The following CTNNA3 variants were observed in gnomAD, a reference collection of about 807,000 sequenced individuals.
CTNNA3 encodes the protein catenin alpha-3.
CTNNA3 carries 76 observed loss-of-function variants against 95.7 expected under a neutral mutation model. That is an observed-to-expected ratio of 0.79 (90% confidence interval 0.66 to 0.96). The LOEUF (loss-of-function observed/expected upper bound fraction) is 0.96. Ranked by LOEUF, CTNNA3 falls within the 40% of genes least tolerant of loss-of-function variation. The pLI is 0.00. For synonymous variants in CTNNA3, 431 were observed against 374.4 expected, an observed-to-expected ratio of 1.15 and a Z score of -1.74; for missense variants, 1,191 against 1,089.8, an observed-to-expected ratio of 1.09 and a Z score of -1.31.
At chr10:67,340,717 G>A (rs1049309865) in intron 5 of CTNNA3, among the ~76,000 whole-genome samples, 1 of 152,160 alleles carries the variant, frequency 6.6e-6, no homozygotes, top group Non-Finnish European at 1.5e-5. Flanking sequence ...TACTCTAATT[G>A]AATGTATCAA....
intron 3 of CTNNA3, among the ~76,000 whole-genome samples, chr10:67,540,125 A>G (rs1425548746): frequency 6.6e-6 from 1 of 152,172 alleles, no homozygotes; most frequent in African/African-American, 2.4e-5. Context: ...TATCAATATA[A>G]TGAATAAACT....
chr10:67,579,252 G>T lies in CTNNA3; in HGVS notation c.292+27605C>A, dbSNP rs538075446. 1.2e-4 allele frequency among the ~76,000 whole-genome samples: 14 copies of T among 120,396 alleles called. No individual in the cohort carries two copies. In the Admixed American group the frequency reaches 1.4e-3, roughly 12 times the overall value. The allele number at this position is 120,396 out of a possible 152,430, so 79.0% of individuals were successfully genotyped here. ...CAGTGTGTGATGTTCCCCACCCTGT[G>T]TCCAAGTGTTCTCGTTGTTCAATTC... is the stretch of plus-strand genomic sequence containing the variant. On this transcript the variant is annotated intron_variant, in intron 3 of 17. Transcript: ENST00000433211.
chr10:66,660,577 G>A (rs1019841515), intron 9 of CTNNA3, among the ~76,000 whole-genome samples: 1 of 152,162 alleles, frequency 6.6e-6, no homozygotes, highest in African/African-American at 2.4e-5. Flanking sequence ...TGATAAGAAA[G>A]TATGAATGCA....
At chr10:66,874,564 T>C (rs1321928303) in intron 7 of CTNNA3, among the ~76,000 whole-genome samples, 1 of 152,200 alleles carries the variant, frequency 6.6e-6, no homozygotes, top group Non-Finnish European at 1.5e-5. Context: ...CATGTATACA[T>C]AAATATACGT....
At chr10:67,095,126 A>T (rs1395994781) in intron 7 of CTNNA3, among the ~76,000 whole-genome samples, 1 of 151,574 alleles carries the variant, frequency 6.6e-6, no homozygotes, top group African/African-American at 2.4e-5. Flanking sequence ...AATTTTCAAA[A>T]TCATTTAGGT....
chr10:66,031,217 A>G (rs1281894097), intron 15 of CTNNA3, among the ~76,000 whole-genome samples: 1 of 152,178 alleles, frequency 6.6e-6, no homozygotes, highest in Non-Finnish European at 1.5e-5. Flanking sequence ...TACATGCCCA[A>G]AGGAAAATAA....
chr10:66,785,410 G>T (rs1298583765), intron 7 of CTNNA3, among the ~76,000 whole-genome samples: 1 of 152,184 alleles, frequency 6.6e-6, no homozygotes. Context: ...AGGTGAACAG[G>T]CATCATCTAA....
chr10:66,566,100 C>A (rs188024434), intron 10 of CTNNA3, among the ~76,000 whole-genome samples: 1 of 152,050 alleles, frequency 6.6e-6, no homozygotes, highest in Non-Finnish European at 1.5e-5. Flanking sequence ...AAAACATAAT[C>A]GGGGCTGTTT....
intron 11 of CTNNA3, among the ~76,000 whole-genome samples, chr10:66,466,337 T>TACACACACAC: frequency 1.3e-5 from 1 of 74,678 alleles, no homozygotes; most frequent in East Asian, 1.4e-3. Context: ...CGCACCCACC[T>TACACACACAC]ATACACACAC....
rs1451007220 is a variant in CTNNA3, at chr10:66,621,767, A to G, written c.1299T>C (p.Cys433=). ...SRLVEVANLA[C]SMSTNEDGIK... ...TTCCATCTTCATTTGTTGACATGGA[A>G]CAAGCAAGATTTGCCACCTTAAATA... Residue 433 remains cysteine, a synonymous_variant, in exon 10 of 18, where the codon TGT becomes TGC. Transcript: ENST00000433211. The G allele has an allele frequency of 1.2e-6, 2 of 1,607,128 alleles. No individual in the cohort carries two copies. Among genetic ancestry groups the G allele is most frequent in the South Asian group, 2.2e-5 (2 of 89,100 alleles).
At chr10:66,243,813 C>T (rs1337186826) in intron 13 of CTNNA3, among the ~76,000 whole-genome samples, 1 of 152,110 alleles carries the variant, frequency 6.6e-6, no homozygotes, top group African/African-American at 2.4e-5. Context: ...ACCTGTTGAC[C>T]AAAGAGCCCT....
chr10:66,581,028 T>G (rs2132196090), intron 10 of CTNNA3, among the ~76,000 whole-genome samples: 1 of 151,918 alleles, frequency 6.6e-6, no homozygotes, highest in East Asian at 1.9e-4. Flanking sequence ...GTTACTTCAC[T>G]TAGAATAATG....
intron 11 of CTNNA3, among the ~76,000 whole-genome samples, chr10:66,489,898 AG>A (rs1460771078): frequency 2.0e-5 from 3 of 152,210 alleles, no homozygotes; most frequent in Admixed American, 6.5e-5. Context: ...CTTGGCCAAA[AG>A]GCCTTCTATT....
chr10:67,541,542 T>C (rs1840684797), intron 3 of CTNNA3, among the ~76,000 whole-genome samples: 1 of 152,048 alleles, frequency 6.6e-6, no homozygotes, highest in African/African-American at 2.4e-5. Context: ...CCTCTAGTTC[T>C]GGGAACTTGG....
chr10:65,931,852 G>A (rs1353882832), intron 17 of CTNNA3, among the ~76,000 whole-genome samples: 2 of 152,192 alleles, frequency 1.3e-5, no homozygotes, highest in African/African-American at 4.8e-5. Context: ...TGGCTTCCCA[G>A]CTGCTTAGGA....
intron 5 of CTNNA3, among the ~76,000 whole-genome samples, chr10:67,333,741 T>A (rs897908335): frequency 6.6e-6 from 1 of 152,196 alleles, no homozygotes; most frequent in African/African-American, 2.4e-5. Flanking sequence ...TATCACACTG[T>A]CCTTTAAGGT....
intron 5 of CTNNA3, among the ~76,000 whole-genome samples, chr10:67,296,470 A>G (rs1247713313): frequency 6.6e-6 from 1 of 152,240 alleles, no homozygotes; most frequent in Non-Finnish European, 1.5e-5. Flanking sequence ...AATATTTTAT[A>G]AGTCCAAAAA....
rs191948414 is a variant in CTNNA3, at chr10:66,695,184, A to G, written c.1281+71080T>C. Among the ~76,000 whole-genome samples, 252 of 152,300 alleles carry G rather than the reference A, an allele frequency of 1.7e-3. 2 individuals are homozygous for G. The highest frequency in any genetic ancestry group is 5.6e-3 in the African/African-American group (234 of 41,558). On this transcript the variant is annotated intron_variant, in intron 9 of 17. Coordinates refer to ENST00000433211, the MANE Select transcript of CTNNA3 (RefSeq NM_013266.4). The stretch of plus-strand genomic sequence containing the variant: ...AAAGATGCACATTAAATAGATTGCT[A>G]TGTAAAGCTGATACATCATTTAGTC...
At chr10:65,941,573 A>G (rs2077430597) in intron 17 of CTNNA3, among the ~76,000 whole-genome samples, 2 of 152,276 alleles carry the variant, frequency 1.3e-5, no homozygotes, top group South Asian at 4.1e-4. Flanking sequence ...AAACAATCTC[A>G]AAGACCTGTA....
Sources: allele counts gnomAD v4.1 joint callset (sites outside exome capture counted in the v4.1 genomes callset), GRCh38; gene constraint gnomAD v4.1.1; transcripts MANE v1.5; gene names NCBI Gene and HGNC (gene_info 2026-07-23, HGNC 2026-07-21).